The following TMEM266 variants were observed in gnomAD, a reference collection of about 807,000 sequenced individuals.
The protein encoded by TMEM266 is transmembrane protein 266, also known as Hv1 related protein 1.
TMEM266 carries 33 observed loss-of-function variants against 50.5 expected under a neutral mutation model. That is an observed-to-expected ratio of 0.65 (90% confidence interval 0.50 to 0.87). The LOEUF is 0.87. Ranked by LOEUF, TMEM266 falls within the 40% of genes least tolerant of loss-of-function variation. The probability of loss-of-function intolerance (pLI) is 0.00; values close to 1 mark genes in which losing one functional copy is unlikely to be tolerated. For synonymous variants in TMEM266, 310 were observed against 292.3 expected (o/e 1.06, Z -0.62); for missense variants, 655 against 695.1 (o/e 0.94, Z 0.65).
chr15:76,172,872 G>A (rs759316046), intron 7 of TMEM266, among the ~76,000 whole-genome samples: 5 of 152,110 alleles, frequency 3.3e-5, no homozygotes, highest in African/African-American at 4.8e-5. Context: ...ACCCCCGCTC[G>A]GGGCAGGATC....
intron 1 of TMEM266, among the ~76,000 whole-genome samples, chr15:76,071,620 T>C (rs923385401): frequency 7.9e-5 from 12 of 152,132 alleles, no homozygotes; most frequent in African/African-American, 2.9e-4. Flanking sequence ...CATTCAGCAT[T>C]TGGACACTTG....
chr15:76,171,202 GC>G, intron 7 of TMEM266, 71 bp downstream of exon 7: 1 of 1,573,418 alleles, frequency 6.4e-7, no homozygotes, highest in Non-Finnish European at 8.6e-7. Context: ...GAGAGGAGAT[GC>G]CGTGTGATGG....
rs66623639 is a variant in TMEM266 at position 76,086,933 on chromosome 15, G to GC, written c.-97+26917_-97+26918insC. Reference sequence around the variant, plus strand: ...TGCAGAAAAAGGGAGCAGGTCGGGGGGGGGGCGGTGGTGTTGCAAAGGGAG... The same window carrying GC: ...TGCAGAAAAAGGGAGCAGGTCGGGGGCGGGGGCGGTGGTGTTGCAAAGGGAG... On this transcript the variant is annotated intron_variant, in intron 1 of 10. Coordinates refer to ENST00000388942, the MANE Select transcript of TMEM266 (RefSeq NM_152335.3). Among the ~76,000 whole-genome samples, 48 of 34,082 alleles carry GC rather than the reference G, an allele frequency of 1.4e-3. 1 individual carries two copies. The highest frequency in any genetic ancestry group is 0.014 in the Admixed American group (24 of 1,728). The allele number at this position is 34,082 out of a possible 152,430, so 22.4% of individuals were successfully genotyped here.
chr15:76,189,774 G>A (rs984450518), intron 8 of TMEM266, among the ~76,000 whole-genome samples: 3 of 152,226 alleles, frequency 2.0e-5, no homozygotes, highest in African/African-American at 7.2e-5. Context: ...TCTGCATGTG[G>A]GCACTGGGTT....
intron 3 of TMEM266, 63 bp from the exon 4 acceptor site, chr15:76,156,541 G>A (rs894610748): frequency 1.2e-5 from 19 of 1,560,868 alleles, no homozygotes; most frequent in African/African-American, 1.1e-4. Context: ...GGCTTTGGCC[G>A]GGGTCCACCC....
At chr15:76,122,970 T>A (rs2037366459) in intron 1 of TMEM266, among the ~76,000 whole-genome samples, 1 of 152,196 alleles carries the variant, frequency 6.6e-6, no homozygotes, top group African/African-American at 2.4e-5. Flanking sequence ...GATGGATGGT[T>A]TGATTTTGTG....
chr15:76,119,042 C>T (rs1423181821), intron 1 of TMEM266, among the ~76,000 whole-genome samples: 1 of 152,180 alleles, frequency 6.6e-6, no homozygotes, highest in Non-Finnish European at 1.5e-5. Flanking sequence ...TGAGGGGAGA[C>T]TGACTTCCCT....
At chr15:76,125,873 G>A (rs575176270) in intron 1 of TMEM266, among the ~76,000 whole-genome samples, 1 of 151,078 alleles carries the variant, frequency 6.6e-6, no homozygotes, top group South Asian at 2.1e-4. Flanking sequence ...AAGGCAGTGG[G>A]GGGGATGGGG....
At chr15:76,117,249 T>C (rs574414000) in intron 1 of TMEM266, among the ~76,000 whole-genome samples, 3 of 151,486 alleles carry the variant, frequency 2.0e-5, no homozygotes, top group East Asian at 3.9e-4. Context: ...GTGTGTACAT[T>C]TTTTTTTTCA....
intron 3 of TMEM266, among the ~76,000 whole-genome samples, chr15:76,149,771 C>T (rs759443585): frequency 1.3e-5 from 2 of 152,202 alleles, no homozygotes; most frequent in Non-Finnish European, 2.9e-5. Context: ...CCTTTTAAAG[C>T]AACTAGACGA....
intron 1 of TMEM266, among the ~76,000 whole-genome samples, chr15:76,062,403 G>A (rs1027653059): frequency 2.6e-5 from 4 of 152,134 alleles, no homozygotes; most frequent in Non-Finnish European, 4.4e-5. Flanking sequence ...ACAGTATAGC[G>A]GTTTGTACAT....
At chr15:76,180,607 CTTTTTTTTTTTTT>C (rs59287886) in intron 8 of TMEM266, among the ~76,000 whole-genome samples, 1 of 63,170 alleles carries the variant, frequency 1.6e-5, no homozygotes, top group African/African-American at 6.5e-5. Context: ...TCATCTTAAG[CTTTTTTTTTTTTT>C]TTTTTTTTTT....
At chr15:76,177,418 G>A (rs2038303469) in intron 8 of TMEM266, among the ~76,000 whole-genome samples, 1 of 152,330 alleles carries the variant, frequency 6.6e-6, no homozygotes, top group African/African-American at 2.4e-5. Context: ...TTGGGGTGGG[G>A]GACACGTCTG....
chr15:76,084,181 A>T (rs1369707773), intron 1 of TMEM266, among the ~76,000 whole-genome samples: 1 of 152,048 alleles, frequency 6.6e-6, no homozygotes, highest in Non-Finnish European at 1.5e-5. Flanking sequence ...TGGTGTGGTG[A>T]TACATGCCTA....
chr15:76,104,628 T>A (rs1274656914), intron 1 of TMEM266, among the ~76,000 whole-genome samples: 1 of 150,198 alleles, frequency 6.7e-6, no homozygotes, highest in Non-Finnish European at 1.5e-5. Context: ...ACGCTGCAGA[T>A]AAGAGGGAGG....
intron 9 of TMEM266, 52 bp from the exon 10 acceptor site, chr15:76,202,150 G>C: frequency 2.0e-6 from 3 of 1,494,942 alleles, no homozygotes; most frequent in Non-Finnish European, 2.8e-6. Context: ...GGAGTATAAG[G>C]GGTAGAGAAT....
chr15:76,202,086 C>A, intron 9 of TMEM266, 116 bp from the exon 10 acceptor site: 1 of 884,490 alleles, frequency 1.1e-6, no homozygotes, highest in Non-Finnish European at 1.7e-6. Flanking sequence ...GTCACACACA[C>A]CAAGGGCTTC....
chr15:76,082,388 G>A (rs2036708403), intron 1 of TMEM266, among the ~76,000 whole-genome samples: 1 of 152,188 alleles, frequency 6.6e-6, no homozygotes, highest in South Asian at 2.1e-4. Context: ...TTCATTAACA[G>A]TGGTAGAAGG....
chr15:76,191,914 A>T (rs2038578251), intron 8 of TMEM266, 54 bp from the exon 9 acceptor site: 11 of 1,484,878 alleles, frequency 7.4e-6, no homozygotes, highest in Non-Finnish European at 9.8e-6. Context: ...GTCAGGCTGG[A>T]GGCCCCCGCC....
Sources: gnomAD v4.1 joint callset for allele counts (sites outside exome capture counted in the v4.1 genomes callset) on GRCh38, gnomAD v4.1.1 for gene constraint, MANE v1.5 for transcripts, NCBI Gene and HGNC (gene_info 2026-07-23, HGNC 2026-07-21) for gene names.